The following EPM2A variants were observed in gnomAD, a reference collection of about 807,000 sequenced individuals.
EPM2A encodes the protein laforin.
In EPM2A, 21 loss-of-function variants were observed where a neutral mutation model predicts 26.5. That is an observed-to-expected ratio of 0.79 (90% CI 0.56 to 1.14). The LOEUF (loss-of-function observed/expected upper bound fraction) is 1.14. Ranked by LOEUF, EPM2A falls within the 50% of genes most tolerant of loss-of-function variation. EPM2A has a pLI of 0.00. For synonymous variants in EPM2A, 217 were observed against 177.6 expected (o/e 1.22, Z -1.76); for missense variants, 458 against 440.8 (o/e 1.04, Z -0.35).
At chr6:145,476,905 G>A (rs1779550386) in intron 4 of EPM2A, among the ~76,000 whole-genome samples, 1 of 151,462 alleles carries the variant, frequency 6.6e-6, no homozygotes, top group Admixed American at 6.6e-5. Flanking sequence ...AAAAGCAAGA[G>A]CAAACCAAAC....
At chr6:145,641,739 TCTTC>T (rs1223781558) in intron 2 of EPM2A, among the ~76,000 whole-genome samples, 1 of 152,142 alleles carries the variant, frequency 6.6e-6, no homozygotes. Context: ...ATACTACCCT[TCTTC>T]CTTCCTTCAC....
chr6:145,567,355 C>T (rs1780897665), intron 2 of EPM2A, among the ~76,000 whole-genome samples: 1 of 152,226 alleles, frequency 6.6e-6, no homozygotes, highest in South Asian at 2.1e-4. Flanking sequence ...ACACTAGCTA[C>T]TGCCACACAC....
At chr6:145,644,880 TGG>T (rs1432983562) in intron 2 of EPM2A, among the ~76,000 whole-genome samples, 2 of 152,098 alleles carry the variant, frequency 1.3e-5, no homozygotes, top group African/African-American at 2.4e-5. Context: ...TCCATACATA[TGG>T]GAAAACAGAT....
At chr6:145,452,244 A>G (rs528926035) in intron 4 of EPM2A, among the ~76,000 whole-genome samples, 4 of 152,184 alleles carry the variant, frequency 2.6e-5, no homozygotes, top group Middle Eastern at 6.8e-3. Flanking sequence ...ATACGTTTCC[A>G]TCTCCACAAA....
At chr6:145,716,289 T>C (rs1775617530) in intron 1 of EPM2A, among the ~76,000 whole-genome samples, 1 of 152,290 alleles carries the variant, frequency 6.6e-6, no homozygotes, top group East Asian at 1.9e-4. Context: ...ATGAATTCTA[T>C]GGTATGTGAA....
intron 2 of EPM2A, among the ~76,000 whole-genome samples, chr6:145,543,831 A>G (rs901325333): frequency 1.3e-5 from 2 of 152,172 alleles, no homozygotes; most frequent in Non-Finnish European, 2.9e-5. Flanking sequence ...CTGTGAAAGG[A>G]AAAAGATGGA....
rs147509682 is a variant in EPM2A, at chr6:145,536,445, G to A, written c.341-33870C>T. ...TGAGTAGCTGGCATTACAGGCCTGTGCCACCACACCCGGCTAATTTTTGTA... is the reference window on the plus strand; with the variant it reads ...TGAGTAGCTGGCATTACAGGCCTGTACCACCACACCCGGCTAATTTTTGTA... On this transcript the variant is annotated intron_variant, in intron 2 of 3. Transcript: ENST00000450221. 7.7e-3 allele frequency among the ~76,000 whole-genome samples: 1,169 copies of A among 152,144 alleles called. 16 individuals are homozygous for A. The highest frequency in any genetic ancestry group is 0.027 in the African/African-American group (1,113 of 41,516).
chr6:145,653,226 G>A (rs1487206836), intron 2 of EPM2A, among the ~76,000 whole-genome samples: 1 of 152,202 alleles, frequency 6.6e-6, no homozygotes, highest in East Asian at 1.9e-4. Flanking sequence ...GAAGGTGATT[G>A]GATAATGGGG....
At chr6:145,485,076 C>T (rs1359907115) in intron 4 of EPM2A, among the ~76,000 whole-genome samples, 1 of 150,914 alleles carries the variant, frequency 6.6e-6, no homozygotes, top group East Asian at 1.9e-4. Context: ...CTCCCACATG[C>T]TAAGGTACTA....
At chr6:145,594,895 G>T (rs1209073028) in intron 2 of EPM2A, among the ~76,000 whole-genome samples, 2 of 151,402 alleles carry the variant, frequency 1.3e-5, no homozygotes, top group Admixed American at 6.6e-5. Context: ...GATTTATAAA[G>T]ATTTTATTAT....
chr6:145,535,642 T>C (rs1047028363), intron 2 of EPM2A, among the ~76,000 whole-genome samples: 1 of 152,172 alleles, frequency 6.6e-6, no homozygotes, highest in Non-Finnish European at 1.5e-5. Context: ...AACAATAAAG[T>C]AAGAAAAATA....
chr6:145,402,960 C>T (rs1405596550), intron 4 of EPM2A, among the ~76,000 whole-genome samples: 1 of 152,180 alleles, frequency 6.6e-6, no homozygotes, highest in Non-Finnish European at 1.5e-5. Flanking sequence ...TGAGCTGTCA[C>T]TTCAAGTTAC....
intron 1 of EPM2A, among the ~76,000 whole-genome samples, chr6:145,703,281 C>T (rs1016463312): frequency 2.0e-5 from 3 of 151,840 alleles, no homozygotes; most frequent in Non-Finnish European, 4.4e-5. Flanking sequence ...TCAGGAGAGA[C>T]GGGGTTTTGC....
intron 1 of EPM2A, among the ~76,000 whole-genome samples, chr6:145,706,829 T>C (rs1782249462): frequency 6.6e-6 from 1 of 152,212 alleles, no homozygotes. Context: ...CCACTTGCTA[T>C]AGTTTAAGTG....
intron 3 of EPM2A, among the ~76,000 whole-genome samples, chr6:145,634,323 G>A (rs1269550758): frequency 6.6e-6 from 1 of 152,100 alleles, no homozygotes; most frequent in African/African-American, 2.4e-5. Context: ...AAAATTCCAT[G>A]CTTCTGTGCC....
At chr6:145,602,648 C>T (rs949013138) in intron 2 of EPM2A, among the ~76,000 whole-genome samples, 4 of 152,178 alleles carry the variant, frequency 2.6e-5, no homozygotes, top group Admixed American at 6.5e-5. Context: ...TAGTTTAATT[C>T]CTCCCAGAGT....
chr6:145,500,526 C>G (rs1020404914), downstream of EPM2A, among the ~76,000 whole-genome samples: 7 of 152,128 alleles, frequency 4.6e-5, no homozygotes, highest in Admixed American at 3.9e-4. Context: ...CCTGACAATC[C>G]CCCTCCTGAT....
chr6:145,721,645 T>C (rs1255818891), intron 1 of EPM2A: 2 of 152,208 alleles, frequency 1.3e-5, no homozygotes, highest in Non-Finnish European at 2.9e-5. Context: ...CAATTCATTC[T>C]CACATCTCAA....
intron 4 of EPM2A, among the ~76,000 whole-genome samples, chr6:145,416,919 A>C (rs1411814765): frequency 6.6e-6 from 1 of 152,060 alleles, no homozygotes; most frequent in Non-Finnish European, 1.5e-5. Flanking sequence ...TCTTGTGAAA[A>C]GAAAGTTAAA....
Sources: gnomAD v4.1 joint callset for allele counts (sites outside exome capture counted in the v4.1 genomes callset) on GRCh38, gnomAD v4.1.1 for gene constraint, MANE v1.5 for transcripts, NCBI Gene and HGNC (gene_info 2026-07-23, HGNC 2026-07-21) for gene names.